TRANK1: variants seen among roughly 807,000 people sequenced by gnomAD.
The protein encoded by TRANK1 is tetratricopeptide repeat and ankyrin repeat containing 1, also known as TPR and ankyrin repeat-containing protein 1.
Under a neutral mutation model 266.0 loss-of-function variants are expected in TRANK1, and 198 were observed. The ratio of observed to expected loss-of-function variants is 0.74; its 90% confidence interval spans 0.66 to 0.84. TRANK1 has a LOEUF of 0.84. Ranked by LOEUF, TRANK1 falls within the 40% of genes least tolerant of loss-of-function variation. The probability of loss-of-function intolerance (pLI) is 0.00; values close to 1 mark genes in which losing one functional copy is unlikely to be tolerated. For missense variants in TRANK1, 3,326 were observed against 3,634.6 expected (o/e 0.92, Z 2.18); for synonymous variants, 1,396 against 1,384.1 (o/e 1.01, Z -0.19).
rs772194630 is a variant in TRANK1 at position 36,842,690 on chromosome 3, C to T, written c.5212G>A (p.Val1738Ile). ...ENKDFDDSMF[V>I]KTSTPAEWIA... ...CACTCCGCAGGAGTTGAGGTCTTAA[C>T]GAACATGCTATCATCAAAGTCTAAA... Residue 1738 changes from valine (V) to isoleucine (I), a missense_variant, in exon 18 of 24, where the codon GTT (valine) becomes ATT (isoleucine). Transcript: ENST00000645898. 26 of 1,613,762 alleles carry T rather than the reference C, an allele frequency of 1.6e-5. No homozygotes were observed. The highest frequency in any genetic ancestry group is 1.6e-4 in the Middle Eastern group (1 of 6,084).
intron 22 of TRANK1, among the ~76,000 whole-genome samples, chr3:36,830,319 T>TAA (rs1284824798): frequency 8.9e-5 from 12 of 134,242 alleles, no homozygotes; most frequent in African/African-American, 2.5e-4. Flanking sequence ...CATCTCTATT[T>TAA]AAAAAAAAAA....
chr3:36,944,350 G>A (rs1051804340), intron 1 of TRANK1, among the ~76,000 whole-genome samples: 1 of 152,204 alleles, frequency 6.6e-6, no homozygotes, highest in Non-Finnish European at 1.5e-5. Context: ...CTTCCCGCCT[G>A]GCACGGTTCC....
At chr3:36,902,351 A>G (rs1180645249) in intron 3 of TRANK1, among the ~76,000 whole-genome samples, 1 of 152,170 alleles carries the variant, frequency 6.6e-6, no homozygotes, top group Non-Finnish European at 1.5e-5. Context: ...TTTCCATTGT[A>G]TTTTGTTTCT....
chr3:36,879,624 A>G lies in TRANK1; in HGVS notation c.908-5328T>C, dbSNP rs1004254015. ...AATATATATAAATATACAAATATAT[A>G]TAAATATATATAAATATACAAATAT... On this transcript the variant is annotated intron_variant, in intron 8 of 23. Coordinates refer to ENST00000645898, the MANE Select transcript of TRANK1 (RefSeq NM_001329998.2). Among the ~76,000 whole-genome samples the G allele has an allele frequency of 1.3e-4, 14 of 105,530 alleles. 2 individuals are homozygous for G. The East Asian group carries it at 3.3e-3, about 25-fold the overall frequency. The allele number at this position is 105,530 out of a possible 152,430, so 69.2% of individuals were successfully genotyped here. A position where few individuals can be genotyped will look rare whatever the true frequency, so the allele number is the denominator to read the frequency against.
At chr3:36,842,170 A>G (rs551888248) in intron 18 of TRANK1, among the ~76,000 whole-genome samples, 2 of 152,372 alleles carry the variant, frequency 1.3e-5, no homozygotes, top group African/African-American at 2.4e-5. Flanking sequence ...AGTGCAGTGT[A>G]ATAAAAAGCC....
At position 36,833,709 on chromosome 3, in the gene TRANK1, C is replaced by T. The variant is rs868624284; in HGVS notation, c.5874G>A (p.Arg1958=). The change falls in exon 22 of 24, where the codon AGG becomes AGA. Residue 1958 remains arginine (R), a synonymous_variant. Coordinates refer to ENST00000645898, the MANE Select transcript of TRANK1 (RefSeq NM_001329998.2). ...RLAEAADLLN[R]EGRREEAALL... The stretch of plus-strand genomic sequence containing the variant: ...GGGCAGCCTCTTCTCTCCTACCTTC[C>T]CTGTTCAGCAGGTCTGCAGCTTCTG... 9 of 1,614,024 alleles carry T rather than the reference C, an allele frequency of 5.6e-6. No homozygotes were observed. The highest frequency in any genetic ancestry group is 2.2e-5 in the South Asian group (2 of 91,084).
chr3:36,906,027 T>A (rs752229724), intron 2 of TRANK1, among the ~76,000 whole-genome samples: 1 of 152,204 alleles, frequency 6.6e-6, no homozygotes, highest in Non-Finnish European at 1.5e-5. Context: ...AGCTGAGCTT[T>A]GAACACACAT....
At chr3:36,868,739 G>T (rs1434125937) in intron 9 of TRANK1, among the ~76,000 whole-genome samples, 2 of 152,112 alleles carry the variant, frequency 1.3e-5, no homozygotes, top group African/African-American at 2.4e-5. Context: ...TATATAAAAA[G>T]ATTGGTTTTA....
chr3:36,925,141 C>T (rs2080270775), intron 1 of TRANK1, among the ~76,000 whole-genome samples: 1 of 152,166 alleles, frequency 6.6e-6, no homozygotes, highest in South Asian at 2.1e-4. Context: ...ACCTTTTCCT[C>T]TCTGTTCCTT....
chr3:36,890,288 G>C (rs1195951072), intron 7 of TRANK1, among the ~76,000 whole-genome samples: 1 of 152,182 alleles, frequency 6.6e-6, no homozygotes, highest in East Asian at 1.9e-4. Flanking sequence ...GAGCAAGGGA[G>C]GCAGGACAGG....
At chr3:36,933,805 G>T (rs1202117067) in intron 1 of TRANK1, among the ~76,000 whole-genome samples, 1 of 152,120 alleles carries the variant, frequency 6.6e-6, no homozygotes, top group Non-Finnish European at 1.5e-5. Flanking sequence ...TTTTTCAAAG[G>T]GGTTCCCTGA....
intron 3 of TRANK1, among the ~76,000 whole-genome samples, chr3:36,900,838 C>A (rs2079864742): frequency 3.1e-5 from 1 of 32,426 alleles, no homozygotes; most frequent in African/African-American, 9.9e-5. Flanking sequence ...GGTGACAAAG[C>A]AAGACCCTGT....
chr3:36,902,623 C>A (rs1411485417), intron 3 of TRANK1, among the ~76,000 whole-genome samples: 1 of 152,214 alleles, frequency 6.6e-6, no homozygotes. Flanking sequence ...GTCTTAGTGG[C>A]CTCTCAAACT....
rs1311368964 is a variant in TRANK1, at chr3:36,858,759, G to GT, written c.1630dup (p.Thr544AsnfsTer14). 1 of 1,536,812 alleles carries GT rather than the reference G, an allele frequency of 6.5e-7. No homozygotes were observed. Among genetic ancestry groups the GT allele is most frequent in the Non-Finnish European group, 8.7e-7 (1 of 1,146,716 alleles). On this transcript the variant is annotated frameshift_variant, in exon 12 of 24. Transcript: ENST00000645898. LOFTEE classifies it high-confidence loss of function. The stretch of plus-strand genomic sequence containing the variant: ...GATGTGGAGTGCTGCATGCAAAGGA[G>GT]TATCACCTTCCGTGAGAGAAATAGC...
intron 1 of TRANK1, among the ~76,000 whole-genome samples, chr3:36,912,340 T>C (rs1249294119): frequency 6.6e-6 from 1 of 152,160 alleles, no homozygotes; most frequent in Non-Finnish European, 1.5e-5. Context: ...GGCCTCACTT[T>C]AAGAGCCAAA....
Position 36,925,772 on chromosome 3 carries a change from G to A in TRANK1, c.24-17318C>T, listed in dbSNP as rs1031915716. 7.2e-5 allele frequency among the ~76,000 whole-genome samples: 11 copies of A among 152,100 alleles called. No homozygotes were observed. The South Asian group carries it at 2.3e-3, about 32-fold the overall frequency. On this transcript the variant is annotated intron_variant, in intron 1 of 23. Coordinates refer to ENST00000645898, the MANE Select transcript of TRANK1 (RefSeq NM_001329998.2). ...CACCCAGCTAATTTTTGTATTTTGAGATGGGGTTTCACCATGTTGGCCAGG... is the reference window on the plus strand; with the variant it reads ...CACCCAGCTAATTTTTGTATTTTGAAATGGGGTTTCACCATGTTGGCCAGG...
intron 8 of TRANK1, among the ~76,000 whole-genome samples, chr3:36,879,104 G>A (rs1012875636): frequency 3.3e-5 from 5 of 151,552 alleles, no homozygotes; most frequent in Admixed American, 2.6e-4. Flanking sequence ...TCAGAATGAT[G>A]GCATATTAGA....
chr3:36,945,744 T>C (rs1335784720), upstream of TRANK1, among the ~76,000 whole-genome samples: 1 of 152,130 alleles, frequency 6.6e-6, no homozygotes, highest in Non-Finnish European at 1.5e-5. Context: ...CTGGGAGTAC[T>C]TTCCTACACA....
At chr3:36,896,119 C>T (rs529924103) in intron 4 of TRANK1, among the ~76,000 whole-genome samples, 119 of 152,282 alleles carry the variant, frequency 7.8e-4, no homozygotes, top group African/African-American at 2.1e-3. Flanking sequence ...AAACTCACTT[C>T]CTTTAAGAAA....
Sources: allele counts gnomAD v4.1 joint callset (sites outside exome capture counted in the v4.1 genomes callset), GRCh38; gene constraint gnomAD v4.1.1; transcripts MANE v1.5; gene names NCBI Gene and HGNC (gene_info 2026-07-23, HGNC 2026-07-21).